CGNL1: variants seen among roughly 807,000 people sequenced by gnomAD.
The protein encoded by CGNL1 is cingulin like 1.
CGNL1 carries 132 observed loss-of-function variants against 141.2 expected under a neutral mutation model. That is an observed-to-expected ratio of 0.93 (90% CI 0.81 to 1.08). The LOEUF is 1.08. Among genes scored for constraint, CGNL1 ranks in the 50% least tolerant of loss-of-function variants. CGNL1 has a pLI of 0.00. For synonymous variants in CGNL1, 690 were observed against 622.1 expected (o/e 1.11, Z -1.63); for missense variants, 1,870 against 1,588.6 (o/e 1.18, Z -3.01).
At chr15:57,459,559 C>G (rs983935459) in intron 7 of CGNL1, among the ~76,000 whole-genome samples, 10 of 152,048 alleles carry the variant, frequency 6.6e-5, no homozygotes, top group Non-Finnish European at 1.2e-4. Context: ...GAAGGGCACT[C>G]CGGACTGAAG....
At chr15:57,408,124 C>G (rs965813988) in intron 1 of CGNL1, among the ~76,000 whole-genome samples, 16 of 152,210 alleles carry the variant, frequency 1.1e-4, no homozygotes, top group Admixed American at 3.3e-4. Flanking sequence ...AGTTAAGTGA[C>G]CTGACTAAAT....
chr15:57,545,495 C>G (rs1395341524), intron 16 of CGNL1, 97 bp from the exon 17 acceptor site: 2 of 1,040,094 alleles, frequency 1.9e-6, no homozygotes, highest in African/African-American at 3.2e-5. Flanking sequence ...GCTGACCAGG[C>G]ACCCCTGGCT....
At chr15:57,514,768 A>T (rs568409450) in intron 8 of CGNL1, among the ~76,000 whole-genome samples, 3 of 152,142 alleles carry the variant, frequency 2.0e-5, no homozygotes. Flanking sequence ...ATTTTGAGTT[A>T]ACTTTTGTGT....
intron 13 of CGNL1, among the ~76,000 whole-genome samples, chr15:57,531,265 C>T (rs1207518887): frequency 6.6e-6 from 1 of 152,200 alleles, no homozygotes; most frequent in Non-Finnish European, 1.5e-5. Flanking sequence ...TTGACTCCTG[C>T]AAGGCTCTTG....
At chr15:57,537,058 G>C (rs1022196943) in intron 14 of CGNL1, among the ~76,000 whole-genome samples, 5 of 152,158 alleles carry the variant, frequency 3.3e-5, no homozygotes, top group African/African-American at 1.2e-4. Context: ...TAAATTAAAG[G>C]CCAATAGGCT....
intron 8 of CGNL1, among the ~76,000 whole-genome samples, chr15:57,497,961 G>A (rs551251138): frequency 1.3e-5 from 2 of 152,184 alleles, no homozygotes; most frequent in Non-Finnish European, 2.9e-5. Context: ...GATCAGAGGT[G>A]GGGATGGTCT....
Position 57,379,159 on chromosome 15 carries a change from T to C in CGNL1, c.-16+2592T>C, listed in dbSNP as rs554491464. 3.3e-5 allele frequency among the ~76,000 whole-genome samples: 5 copies of C among 152,278 alleles called. No homozygotes were observed. The South Asian group carries it at 1.0e-3, about 32-fold the overall frequency. Reference sequence around the variant, plus strand: ...TCAATTGGGAAAAGAAAAATGCTTATTCGAGGATGCTGTTGAATTCATGGT... The same window carrying C: ...TCAATTGGGAAAAGAAAAATGCTTACTCGAGGATGCTGTTGAATTCATGGT... On this transcript the variant is annotated intron_variant, in intron 1 of 18. Transcript: ENST00000281282.
chr15:57,447,411 G>A (rs1482174985), intron 4 of CGNL1, among the ~76,000 whole-genome samples: 2 of 152,172 alleles, frequency 1.3e-5, no homozygotes, highest in African/African-American at 4.8e-5. Flanking sequence ...AGTGTGGCAA[G>A]TATTGTTTTG....
At chr15:57,391,243 G>A (rs1397746616) in intron 1 of CGNL1, among the ~76,000 whole-genome samples, 1 of 152,210 alleles carries the variant, frequency 6.6e-6, no homozygotes, top group African/African-American at 2.4e-5. Context: ...TTCTGGCCCT[G>A]TGATGACAGA....
At chr15:57,412,955 G>A (rs2062806860) in intron 1 of CGNL1, among the ~76,000 whole-genome samples, 1 of 152,102 alleles carries the variant, frequency 6.6e-6, no homozygotes, top group African/African-American at 2.4e-5. Context: ...TGCCTCCTGG[G>A]TTCAAGGGAT....
chr15:57,381,445 C>T (rs1271088356), intron 1 of CGNL1, among the ~76,000 whole-genome samples: 3 of 152,106 alleles, frequency 2.0e-5, no homozygotes, highest in African/African-American at 7.2e-5. Flanking sequence ...CCTGTGGTCC[C>T]AGCTACTCTG....
chr15:57,399,383 C>T (rs1281327874), intron 1 of CGNL1, among the ~76,000 whole-genome samples: 1 of 152,100 alleles, frequency 6.6e-6, no homozygotes, highest in African/African-American at 2.4e-5. Flanking sequence ...AATTTAATCC[C>T]CAAATTCTAA....
At chr15:57,453,911 G>T in intron 7 of CGNL1, 93 bp downstream of exon 7, 3 of 1,426,720 alleles carry the variant, frequency 2.1e-6, no homozygotes, top group Non-Finnish European at 2.9e-6. Context: ...GCCACTTTCT[G>T]ATGTGCACAC....
At chr15:57,442,182 G>GGAAAAAAAAAAAAAAAAAAA (rs1491455852) in intron 3 of CGNL1, among the ~76,000 whole-genome samples, 191 bp from the exon 4 acceptor site, 20 of 96,504 alleles carry the variant, frequency 2.1e-4, no homozygotes, top group South Asian at 3.9e-4. Flanking sequence ...TCATTTATTT[G>GGAAAAAAAAAAAAAAAAAAA]AAAAAAAAAA....
chr15:57,498,497 G>C (rs1363032251), intron 8 of CGNL1, among the ~76,000 whole-genome samples: 2 of 152,034 alleles, frequency 1.3e-5, no homozygotes, highest in Non-Finnish European at 2.9e-5. Flanking sequence ...GAGCCCCTGT[G>C]CCCAACCTGT....
In CGNL1 at chr15:57,502,782, G is replaced by A. The variant is rs1567157196; in HGVS notation, c.2404-13998G>A. Among the ~76,000 whole-genome samples the A allele has an allele frequency of 2.6e-5, 4 of 152,158 alleles. No homozygotes were observed. In the South Asian group the frequency reaches 8.3e-4, roughly 32 times the overall value. ...TGTTCAAGTTGTATATTCAGTGACT[G>A]TAGATAATCAATGGTGGATACTTCA... On this transcript the variant is annotated intron_variant, in intron 8 of 18. Coordinates refer to ENST00000281282, the MANE Select transcript of CGNL1 (RefSeq NM_032866.5).
At chr15:57,463,291 G>C (rs879807703) in intron 8 of CGNL1, among the ~76,000 whole-genome samples, 2 of 152,202 alleles carry the variant, frequency 1.3e-5, no homozygotes, top group Non-Finnish European at 2.9e-5. Flanking sequence ...AGTGAGGAAA[G>C]GATACATGGT....
At chr15:57,401,888 C>T (rs1174414900) in intron 1 of CGNL1, 4 of 152,188 alleles carry the variant, frequency 2.6e-5, no homozygotes, top group Non-Finnish European at 4.4e-5. Context: ...GTGAGTTAAG[C>T]TCTAGTAAGT....
At chr15:57,386,836 G>T (rs1260777571) in intron 1 of CGNL1, among the ~76,000 whole-genome samples, 1 of 152,156 alleles carries the variant, frequency 6.6e-6, no homozygotes, top group Non-Finnish European at 1.5e-5. Context: ...TTGGCTTGTA[G>T]CTTGTGTATT....
Sources: allele counts gnomAD v4.1 joint callset (sites outside exome capture counted in the v4.1 genomes callset), GRCh38; gene constraint gnomAD v4.1.1; transcripts MANE v1.5; gene names NCBI Gene and HGNC (gene_info 2026-07-23, HGNC 2026-07-21).